Variants in NCAM1 observed in about 807,000 individuals in gnomAD.
The protein encoded by NCAM1 is neural cell adhesion molecule 1, also known as antigen recognized by monoclonal antibody 5.1H11.
A neutral mutation model predicts 109.8 loss-of-function variants in NCAM1; 14 were observed. That is an observed-to-expected ratio of 0.13 (90% CI 0.08 to 0.20). The LOEUF is 0.20. Ranked by LOEUF, NCAM1 falls within the 10% of genes least tolerant of loss-of-function variation. NCAM1 has a pLI of 1.00. For missense variants in NCAM1, 774 were observed against 1,109.9 expected, an observed-to-expected ratio of 0.70 and a Z score of 4.30; for synonymous variants, 418 against 442.9, an observed-to-expected ratio of 0.94 and a Z score of 0.70.
chr11:113,197,193 A>G, intron 1 of NCAM1: 1 of 268,802 alleles, frequency 3.7e-6, no homozygotes, highest in Non-Finnish European at 8.1e-6. Context: ...GATTATGGGA[A>G]TTACAATTCG....
chr11:113,275,416 A>C lies in NCAM1; in HGVS notation c.*29A>C. ...GTGAAGAGAACCGAGCAAAGATCAA[A>C]ATAAAAAGTGACACAGCAGCTTCAC... On this transcript the variant is annotated 3_prime_UTR_variant, in exon 20 of 20. Coordinates refer to ENST00000316851, the MANE Select transcript of NCAM1 (RefSeq NM_181351.5). 2 of 1,602,592 alleles carry C rather than the reference A, an allele frequency of 1.2e-6. No individual in the cohort carries two copies. Among genetic ancestry groups the C allele is most frequent in the Non-Finnish European group, 1.7e-6 (2 of 1,174,294 alleles).
At chr11:113,080,360 G>T (rs1195740240) in intron 1 of NCAM1, among the ~76,000 whole-genome samples, 3 of 152,056 alleles carry the variant, frequency 2.0e-5, no homozygotes, top group Non-Finnish European at 2.9e-5. Context: ...ATTTAGGTTC[G>T]CAAAGTAAAA....
chr11:113,094,031 T>C (rs1939481580), intron 1 of NCAM1, among the ~76,000 whole-genome samples: 1 of 152,132 alleles, frequency 6.6e-6, no homozygotes, highest in Admixed American at 6.5e-5. Context: ...TAAGGATAGA[T>C]AAAACAATCA....
At chr11:113,190,278 A>G (rs189089834) in intron 1 of NCAM1, among the ~76,000 whole-genome samples, 191 of 152,296 alleles carry the variant, frequency 1.3e-3, no homozygotes, top group African/African-American at 4.1e-3. Flanking sequence ...ACTTTTCTGG[A>G]TCTCTGAAAT....
chr11:113,213,989 T>C (rs566255086), intron 7 of NCAM1, among the ~76,000 whole-genome samples: 1 of 152,328 alleles, frequency 6.6e-6, no homozygotes, highest in South Asian at 2.1e-4. Context: ...TTGCTTTTAT[T>C]CAGTCAGTTT....
At chr11:113,023,961 C>T (rs1232654800) in intron 1 of NCAM1, among the ~76,000 whole-genome samples, 5 of 151,926 alleles carry the variant, frequency 3.3e-5, no homozygotes, top group South Asian at 2.1e-4. Context: ...AGGTTTGCAA[C>T]GACTTCTTGG....
intron 1 of NCAM1, among the ~76,000 whole-genome samples, chr11:112,994,786 C>T (rs568850244): frequency 3.0e-4 from 45 of 152,310 alleles, no homozygotes; most frequent in African/African-American, 9.9e-4. Context: ...TACAGAGTTT[C>T]TTTACCCTGC....
chr11:113,243,425 G>A, intron 14 of NCAM1: 1 of 373,618 alleles, frequency 2.7e-6, no homozygotes, highest in Admixed American at 2.9e-5. Flanking sequence ...CTCAGTGCTA[G>A]AAAAATGATG....
At position 112,962,001 on chromosome 11, in the gene NCAM1, C is replaced by T. The variant is rs572291427; in HGVS notation, c.52+337C>T. On this transcript the variant is annotated intron_variant, in intron 1 of 19. Transcript: ENST00000316851. This position sits in a 1 kb window ranked among gnomAD's most constrained non-coding sequence, Gnocchi z 5.6. ...GCTGGTGATGGGCAGCGCTCCTTCC[C>T]CAAAGGCGGGCGGCGGGGCGGGGGA... 4.6e-5 allele frequency among the ~76,000 whole-genome samples: 7 copies of T among 152,312 alleles called. No individual in the cohort carries two copies. The South Asian group carries it at 1.0e-3, about 23-fold the overall frequency.
chr11:113,084,061 C>T (rs1326351886), intron 1 of NCAM1, among the ~76,000 whole-genome samples: 1 of 152,178 alleles, frequency 6.6e-6, no homozygotes, highest in African/African-American at 2.4e-5. Context: ...AAAAGTTGCT[C>T]TGAAGTGTGA....
chr11:112,978,220 T>A (rs1951057698), intron 1 of NCAM1, among the ~76,000 whole-genome samples: 1 of 149,224 alleles, frequency 6.7e-6, no homozygotes, highest in African/African-American at 2.4e-5. Context: ...CTCAGGAGAG[T>A]TAAACATGAA....
rs782166436 is a variant in NCAM1 at position 113,248,601 on chromosome 11, A to G, written c.1828+2231A>G. Among the ~76,000 whole-genome samples the G allele has an allele frequency of 1.2e-4, 19 of 152,264 alleles. No homozygotes were observed. In the Middle Eastern group the frequency reaches 0.01, roughly 82 times the overall value. On this transcript the variant is annotated intron_variant, in intron 15 of 19. Transcript: ENST00000316851. The stretch of plus-strand genomic sequence containing the variant: ...CTGTCAGTGGGTTGTACACCCAACA[A>G]CTGGTGACATCTGATGTTCCCTGTC...
chr11:113,046,991 G>A (rs1555080971), intron 1 of NCAM1, among the ~76,000 whole-genome samples: 2 of 152,200 alleles, frequency 1.3e-5, no homozygotes, highest in Non-Finnish European at 2.9e-5. Context: ...TACACTGGCT[G>A]TTAAAGTTCA....
intron 1 of NCAM1, among the ~76,000 whole-genome samples, chr11:113,024,766 G>T (rs1414931000): frequency 6.6e-6 from 1 of 152,098 alleles, no homozygotes; most frequent in Non-Finnish European, 1.5e-5. Context: ...CTATTCAAAA[G>T]AATCTGAAAT....
chr11:113,064,648 G>A (rs995055337), intron 1 of NCAM1, among the ~76,000 whole-genome samples: 1 of 152,218 alleles, frequency 6.6e-6, no homozygotes, highest in African/African-American at 2.4e-5. Flanking sequence ...TAGGTCAGCA[G>A]ACTGTGGCTT....
chr11:113,254,143 G>T (rs915683116), intron 15 of NCAM1, among the ~76,000 whole-genome samples: 17 of 152,116 alleles, frequency 1.1e-4, no homozygotes, highest in African/African-American at 3.6e-4. Flanking sequence ...TCTAGGACTT[G>T]GGACAGTCCG....
intron 1 of NCAM1, among the ~76,000 whole-genome samples, chr11:113,105,429 T>A (rs782744990): frequency 1.1e-4 from 17 of 152,320 alleles, no homozygotes; most frequent in Admixed American, 3.3e-4. Flanking sequence ...AAAAATGAGA[T>A]GCTTGACATA....
chr11:113,037,030 G>A (rs1365506576), intron 1 of NCAM1, among the ~76,000 whole-genome samples: 1 of 151,666 alleles, frequency 6.6e-6, no homozygotes, highest in Non-Finnish European at 1.5e-5. Context: ...TTATTAATAC[G>A]ACTTCCAAAC....
intron 1 of NCAM1, among the ~76,000 whole-genome samples, chr11:113,032,097 A>T (rs1468878845): frequency 5.9e-5 from 9 of 152,080 alleles, no homozygotes; most frequent in African/African-American, 2.2e-4. Context: ...GTGCCACCAC[A>T]TCCATCTAAT....
Sources: gnomAD v4.1 joint callset for allele counts (sites outside exome capture counted in the v4.1 genomes callset) on GRCh38, gnomAD v4.1.1 for gene constraint, Gnocchi (gnomAD v3.1) non-coding constraint, MANE v1.5 for transcripts, NCBI Gene and HGNC (gene_info 2026-07-23, HGNC 2026-07-21) for gene names.